The following CNTNAP2 variants were observed in gnomAD, a reference collection of about 807,000 sequenced individuals.
CNTNAP2 encodes the protein contactin-associated protein-like 2.
A neutral mutation model predicts 155.2 loss-of-function variants in CNTNAP2; 98 were observed. That is an observed-to-expected ratio of 0.63 (90% CI 0.54 to 0.75). The LOEUF (loss-of-function observed/expected upper bound fraction) is 0.75. Among genes scored for constraint, CNTNAP2 ranks in the 30% least tolerant of loss-of-function variants. CNTNAP2 has a pLI of 0.00. For missense variants in CNTNAP2, 1,727 were observed against 1,688.1 expected (o/e 1.02, Z -0.40); for synonymous variants, 651 against 631.2 (o/e 1.03, Z -0.47).
chr7:148,134,251 G>T (rs1418190889), intron 16 of CNTNAP2, among the ~76,000 whole-genome samples: 1 of 152,196 alleles, frequency 6.6e-6, no homozygotes, highest in Non-Finnish European at 1.5e-5. Context: ...AAGAGTGGTT[G>T]ATATTTAGTA....
At chr7:146,307,739 C>T (rs1011287173) in intron 1 of CNTNAP2, among the ~76,000 whole-genome samples, 5 of 152,150 alleles carry the variant, frequency 3.3e-5, no homozygotes, top group African/African-American at 1.2e-4. Context: ...AAAGGATTCC[C>T]TATTTAATAA....
At chr7:147,455,380 TAA>T (rs1267012579) in intron 10 of CNTNAP2, among the ~76,000 whole-genome samples, 1 of 152,118 alleles carries the variant, frequency 6.6e-6, no homozygotes, top group Admixed American at 6.6e-5. Context: ...ACAAAGACTT[TAA>T]AAACTTCAGT....
chr7:147,869,300 G>T (rs776557275), intron 13 of CNTNAP2, among the ~76,000 whole-genome samples: 1 of 152,212 alleles, frequency 6.6e-6, no homozygotes, highest in Non-Finnish European at 1.5e-5. Flanking sequence ...CTATTAAAGT[G>T]CATATCGAAG....
chr7:147,662,795 G>A (rs1420364484), intron 13 of CNTNAP2, among the ~76,000 whole-genome samples: 2 of 152,172 alleles, frequency 1.3e-5, no homozygotes, highest in Non-Finnish European at 2.9e-5. Flanking sequence ...ATTGGCCTCT[G>A]CCATTTGATC....
At chr7:146,325,724 T>C (rs952732) in intron 1 of CNTNAP2, among the ~76,000 whole-genome samples, 18,506 of 152,036 alleles carry the variant, frequency 0.12, 3,322 homozygotes, top group African/African-American at 0.39. Flanking sequence ...TCCATATTTC[T>C]TTCCATCTTC....
chr7:146,568,435 TC>T (rs1798390859), intron 1 of CNTNAP2, among the ~76,000 whole-genome samples: 1 of 152,212 alleles, frequency 6.6e-6, no homozygotes, highest in African/African-American at 2.4e-5. Flanking sequence ...CTTTATATTG[TC>T]GTTAATTTAC....
chr7:147,476,458 G>C (rs184702193), intron 10 of CNTNAP2, among the ~76,000 whole-genome samples: 1 of 144,788 alleles, frequency 6.9e-6, no homozygotes, highest in Non-Finnish European at 1.6e-5. Context: ...TAAGTTTCCC[G>C]TTAGTAGTGT....
At chr7:146,373,435 T>TACACACACACACAC (rs1563059452) in intron 1 of CNTNAP2, among the ~76,000 whole-genome samples, 14 of 141,992 alleles carry the variant, frequency 9.9e-5, no homozygotes, top group African/African-American at 4.2e-4. Flanking sequence ...CACACACACT[T>TACACACACACACAC]AGGCATGAGG....
rs540661903 is a variant in CNTNAP2, at chr7:146,835,938, C to T, written c.209-3773C>T. Among the ~76,000 whole-genome samples the T allele has an allele frequency of 3.3e-5, 5 of 152,230 alleles. No homozygotes were observed. In the South Asian group the frequency reaches 1.0e-3, roughly 32 times the overall value. On this transcript the variant is annotated intron_variant, in intron 2 of 23. Coordinates refer to ENST00000361727, the MANE Select transcript of CNTNAP2 (RefSeq NM_014141.6). ...GGGGCAGGGTACTGGCTTTTTATAGCCCCAGGTTGACCAGTCGTTGCAGTT... is the reference window on the plus strand; with the variant it reads ...GGGGCAGGGTACTGGCTTTTTATAGTCCCAGGTTGACCAGTCGTTGCAGTT...
At chr7:147,310,449 G>A (rs113314163) in intron 9 of CNTNAP2, among the ~76,000 whole-genome samples, 114 of 152,074 alleles carry the variant, frequency 7.5e-4, no homozygotes, top group African/African-American at 2.6e-3. Flanking sequence ...AAAATAATAC[G>A]GATAACACTA....
At chr7:146,242,615 A>T (rs1010207031) in intron 1 of CNTNAP2, among the ~76,000 whole-genome samples, 1 of 152,084 alleles carries the variant, frequency 6.6e-6, no homozygotes, top group Non-Finnish European at 1.5e-5. Context: ...GTAAATTAAG[A>T]ATCTAGAGAC....
At position 147,885,783 on chromosome 7, in the gene CNTNAP2, G is replaced by A. The variant is rs192854872; in HGVS notation, c.2099-17782G>A. Among the ~76,000 whole-genome samples the A allele has an allele frequency of 1.5e-4, 23 of 152,244 alleles. No homozygotes were observed. In the East Asian group the frequency reaches 4.1e-3, roughly 27 times the overall value. ...TACCTTTCTGAAACACTCACCGCTC[G>A]TTTACCTGCTAGAAGCTGGAGTACA... On this transcript the variant is annotated intron_variant, in intron 13 of 23. Coordinates refer to ENST00000361727, the MANE Select transcript of CNTNAP2 (RefSeq NM_014141.6).
At chr7:148,348,868 A>G (rs2116594231) in intron 21 of CNTNAP2, among the ~76,000 whole-genome samples, 1 of 152,352 alleles carries the variant, frequency 6.6e-6, no homozygotes, top group Non-Finnish European at 1.5e-5. Context: ...TATATTAGTA[A>G]ACAGCAATAT....
chr7:147,813,394 C>T (rs1798213435), intron 13 of CNTNAP2, among the ~76,000 whole-genome samples: 1 of 152,284 alleles, frequency 6.6e-6, no homozygotes, highest in African/African-American at 2.4e-5. Context: ...AGTCATATGT[C>T]TCCAAACCCT....
intron 21 of CNTNAP2, among the ~76,000 whole-genome samples, chr7:148,300,414 G>A (rs1387927977): frequency 1.3e-5 from 2 of 152,138 alleles, no homozygotes; most frequent in Non-Finnish European, 2.9e-5. Flanking sequence ...TGCATTTGGA[G>A]AGCATCAGCA....
chr7:148,235,171 A>G (rs1796022347), intron 20 of CNTNAP2, among the ~76,000 whole-genome samples: 1 of 152,250 alleles, frequency 6.6e-6, no homozygotes, highest in Admixed American at 6.5e-5. Context: ...AAATAATATA[A>G]GCACGGTAAT....
intron 11 of CNTNAP2, among the ~76,000 whole-genome samples, chr7:147,556,312 T>C (rs1389747196): frequency 6.6e-6 from 1 of 152,126 alleles, no homozygotes; most frequent in Non-Finnish European, 1.5e-5. Context: ...ATTATTTCCA[T>C]ACATTATTTA....
chr7:147,276,192 A>C (rs1804891680), intron 8 of CNTNAP2, among the ~76,000 whole-genome samples: 1 of 150,478 alleles, frequency 6.6e-6, no homozygotes, highest in South Asian at 2.1e-4. Flanking sequence ...CTAGTTTCAT[A>C]GAATTAGTTA....
chr7:148,124,950 G>A (rs1396480336), intron 16 of CNTNAP2, among the ~76,000 whole-genome samples: 2 of 152,074 alleles, frequency 1.3e-5, no homozygotes, highest in African/African-American at 4.8e-5. Flanking sequence ...AGGAGGAAGA[G>A]GCAATGCGAA....
Sources: gnomAD v4.1 joint callset for allele counts (sites outside exome capture counted in the v4.1 genomes callset) on GRCh38, gnomAD v4.1.1 for gene constraint, MANE v1.5 for transcripts, NCBI Gene and HGNC (gene_info 2026-07-23, HGNC 2026-07-21) for gene names.